Variants in TMC4 observed in about 807,000 individuals in gnomAD.
TMC4 encodes voltage-gated chloride channel TMC4.
TMC4 carries 70 observed loss-of-function variants against 82.0 expected under a neutral mutation model. The observed-to-expected ratio is 0.85, with a 90% CI of 0.70 to 1.04. TMC4 has a LOEUF of 1.04. Among genes scored for constraint, TMC4 ranks in the 50% least tolerant of loss-of-function variants. TMC4 has a pLI of 0.00. For missense variants in TMC4, 879 were observed against 899.0 expected, an observed-to-expected ratio of 0.98 and a Z score of 0.28; for synonymous variants, 446 against 406.0, an observed-to-expected ratio of 1.10 and a Z score of -1.18.
In TMC4 at chr19:54,165,485, C is replaced by A; in HGVS notation, c.879G>T (p.Trp293Cys). ...TSYSHRVFSA[W>C]DFGLCGDVHV... ...GGACGTCCCCGCAGAGACCGAAGTC[C>A]CAGGCCGAGAACACCCGGTGGCTGT... The change falls in exon 6 of 15, where the codon TGG becomes TGT. Residue 293 changes from tryptophan (W) to cysteine (C), a missense_variant. By Grantham distance (215) the Trp-to-Cys change is radical (BLOSUM62 -2). Transcript: ENST00000619895. The A allele has an allele frequency of 6.2e-7, 1 of 1,613,100 alleles. No individual in the cohort carries two copies. Among genetic ancestry groups the A allele is most frequent in the South Asian group, 1.1e-5 (1 of 90,932 alleles).
rs867459684 is a variant in TMC4, at chr19:54,161,217, C to T, written c.1730G>A (p.Arg577Gln). The change falls in exon 12 of 15, where the codon CGG becomes CAG. Residue 577 changes from arginine to glutamine, a missense_variant. Physicochemically the swap from Arg to Gln is conservative, Grantham distance 43. Transcript: ENST00000619895. ...GAAAAAGAAATTCGCCGCGGAGGCC[C>T]GGAAGGTGCGGGCAGCCGGGGAGCA... ...STCSPAARTF[R>Q]ASAANFFFPL... 6 of 1,585,612 alleles carry T rather than the reference C, an allele frequency of 3.8e-6. No homozygotes were observed. The highest frequency in any genetic ancestry group is 2.3e-5 in the South Asian group (2 of 87,360).
Position 54,160,126 on chromosome 19 carries a change from T to G in TMC4, c.*180A>C, listed in dbSNP as rs1282683730. ...AGCGCGCTCAGCAACCTCGGCTGTA[T>G]TTATTGATACAAGGAAGATCACCCG... On this transcript the variant is annotated 3_prime_UTR_variant, in exon 15 of 15. Transcript: ENST00000619895. 6 of 655,482 alleles carry G rather than the reference T, an allele frequency of 9.2e-6. No individual in the cohort carries two copies. Among genetic ancestry groups the G allele is most frequent in the Non-Finnish European group, 1.4e-5 (6 of 419,592 alleles). 40.6% of individuals were successfully genotyped at this position (655,482 alleles called of 1,614,324 possible).
intron 8 of TMC4, 30 bp from the exon 9 acceptor site, chr19:54,163,189 T>C: frequency 1.9e-6 from 3 of 1,613,202 alleles, no homozygotes; most frequent in Non-Finnish European, 2.5e-6. Flanking sequence ...GAATGGGCCC[T>C]GACCCGGTAC....
rs1170894683 is a variant in TMC4 at position 54,162,717 on chromosome 19, C to G, written c.1458G>C (p.Leu486=). Residue 486 remains leucine (L), a synonymous_variant, in exon 10 of 15, where the codon CTG becomes CTC. Coordinates refer to ENST00000619895, the MANE Select transcript of TMC4 (RefSeq NM_144686.4). The stretch of plus-strand genomic sequence containing the variant: ...GCAGCGCGACTGCCAAGACAGTCAG[C>G]AGATCAAAGAGCAGAAGTTTGTACA... The part of the protein sequence containing the change: ...QEMYKLLLFD[L]LTVLAVALLI... The G allele has an allele frequency of 6.2e-7, 1 of 1,614,014 alleles. No individual in the cohort carries two copies. Among genetic ancestry groups the G allele is most frequent in the Admixed American group, 1.7e-5 (1 of 60,008 alleles).
chr19:54,167,139 T>C (rs577397909), intron 5 of TMC4, among the ~76,000 whole-genome samples: 1 of 152,118 alleles, frequency 6.6e-6, no homozygotes, highest in African/African-American at 2.4e-5. Context: ...GGTGCACCCC[T>C]GTGGTCCCAG....
intron 10 of TMC4, 108 bp from the exon 11 acceptor site, chr19:54,162,393 G>A (rs572205842): frequency 6.6e-6 from 5 of 763,048 alleles, no homozygotes; most frequent in Admixed American, 6.6e-5. Flanking sequence ...TGGTGGTGGG[G>A]GGGGGGGGGG....
chr19:54,168,428 C>A lies in TMC4; in HGVS notation c.675+20G>T. The A allele has an allele frequency of 6.5e-7, 1 of 1,530,110 alleles. No homozygotes were observed. 94.8% of individuals were successfully genotyped at this position (1,530,110 alleles called of 1,614,324 possible). A position where few individuals can be genotyped will look rare whatever the true frequency, so the allele number is the denominator to read the frequency against. On this transcript the variant is annotated intron_variant, in intron 4 of 14. Coordinates refer to ENST00000619895, the MANE Select transcript of TMC4 (RefSeq NM_144686.4). ...GGGTCACAGGTGGGCGGGGAATCCCCCAGGGACCCAGGCACCTACCTCACC... is the reference window on the plus strand; with the variant it reads ...GGGTCACAGGTGGGCGGGGAATCCCACAGGGACCCAGGCACCTACCTCACC...
At chr19:54,172,599 C>T in intron 1 of TMC4, 1 of 300,470 alleles carries the variant, frequency 3.3e-6, no homozygotes, top group Non-Finnish European at 6.0e-6. Flanking sequence ...ACCAGGAAAC[C>T]AGGTTCCCAG....
intron 10 of TMC4, 105 bp downstream of exon 10, chr19:54,162,568 G>T: frequency 1.1e-6 from 1 of 928,136 alleles, no homozygotes; most frequent in Non-Finnish European, 1.7e-6. Context: ...AAAGGGAGCA[G>T]GCAGAGGCGG....
Position 54,173,103 on chromosome 19 carries a change from C to A in TMC4, c.15G>T (p.Pro5=). 6.4e-7 allele frequency: 1 copy of A among 1,573,110 alleles called. No homozygotes were observed. The change falls in exon 1 of 15, where the codon CCG becomes CCT. Residue 5 remains proline, a synonymous_variant. Coordinates refer to ENST00000619895, the MANE Select transcript of TMC4 (RefSeq NM_144686.4). ...AGCCCCAGGCTTCTGATTCCAAGGTCGGGTTTTCTTCCATGGCCCCAGGCT... is the reference window on the plus strand; with the variant it reads ...AGCCCCAGGCTTCTGATTCCAAGGTAGGGTTTTCTTCCATGGCCCCAGGCT... MEEN[P]TLESEAWGSS... is the part of the protein sequence containing the mutation.
intron 9 of TMC4, 37 bp from the exon 10 acceptor site, chr19:54,162,807 A>T (rs765942976): frequency 1.6e-4 from 250 of 1,590,758 alleles, no homozygotes; most frequent in Non-Finnish European, 2.1e-4. Flanking sequence ...AGAACTCGGG[A>T]CCCGGGCACC....
In TMC4 at chr19:54,160,526, C is replaced by T; in HGVS notation, c.1993G>A (p.Val665Met). 1 of 1,614,106 alleles carries T rather than the reference C, an allele frequency of 6.2e-7. No homozygotes were observed. The highest frequency in any genetic ancestry group is 8.5e-7 in the Non-Finnish European group (1 of 1,180,012). The change falls in exon 14 of 15, where the codon GTG (valine) becomes ATG (methionine). Residue 665 changes from valine (V) to methionine (M), a missense_variant. Coordinates refer to ENST00000619895, the MANE Select transcript of TMC4 (RefSeq NM_144686.4). ...CGTCCGTAGGAGTTAGCCAGAGCCA[C>T]AGTGTACGCCATCAGGATGCTGAAG... ...LISSILMAYT[V>M]ALANSYGRLI...
intron 2 of TMC4, among the ~76,000 whole-genome samples, chr19:54,170,110 A>G (rs111257478): frequency 6.6e-6 from 1 of 152,042 alleles, no homozygotes; most frequent in South Asian, 2.1e-4. Context: ...AAGGAAAGAA[A>G]GAAAGAAAAG....
rs775221037 is a variant in TMC4 at position 54,160,988 on chromosome 19, G to A, written c.1863C>T (p.Ser621=). 1 of 1,614,194 alleles carries A rather than the reference G, an allele frequency of 6.2e-7. No homozygotes were observed. The highest frequency in any genetic ancestry group is 1.1e-5 in the South Asian group (1 of 91,088). Residue 621 remains serine, a synonymous_variant, in exon 13 of 15, where the codon TCC becomes TCT. Coordinates refer to ENST00000619895, the MANE Select transcript of TMC4 (RefSeq NM_144686.4). ...TAGACTCAGGGATCTGGGCCCAGAT[G>A]GACGACTGCCCCCGGAATGGACCAC... ...KLCGPFRGQS[S]IWAQIPESIS... is the part of the protein sequence containing the mutation.
chr19:54,167,809 T>C (rs1293460068), intron 5 of TMC4, among the ~76,000 whole-genome samples: 1 of 151,576 alleles, frequency 6.6e-6, no homozygotes, highest in Non-Finnish European at 1.5e-5. Context: ...ACGCCTGTAA[T>C]CCCAGCACTG....
intron 5 of TMC4, 119 bp from the exon 6 acceptor site, chr19:54,165,685 C>G: frequency 1.7e-6 from 2 of 1,187,844 alleles, no homozygotes; most frequent in Non-Finnish European, 2.3e-6. Context: ...GGGTACTAGG[C>G]GAGTTCCCAC....
intron 2 of TMC4, among the ~76,000 whole-genome samples, chr19:54,170,728 G>A (rs974093224): frequency 6.6e-6 from 1 of 151,916 alleles, no homozygotes; most frequent in Non-Finnish European, 1.5e-5. Flanking sequence ...AAACTTCCAG[G>A]CTCAAGCAAT....
rs1449156552 is a variant in TMC4 at position 54,169,006 on chromosome 19, ATATATT to A, written c.443-332_443-327del. ...TCTCTCTCTCTCTCTATATATATAT[ATATATT>A]TTTTTTTTTTTCTTTTCTTTTCTTT... On this transcript the variant is annotated intron_variant, in intron 3 of 14. Transcript: ENST00000619895. Among the ~76,000 whole-genome samples the A allele has an allele frequency of 6.2e-4, 4 of 6,480 alleles. 1 individual carries two copies. Among genetic ancestry groups the A allele is most frequent in the African/African-American group, 1.8e-3 (4 of 2,252 alleles). The allele number at this position is 6,480 out of a possible 152,430, so 4.3% of individuals were successfully genotyped here. A position where few individuals can be genotyped will look rare whatever the true frequency, so the allele number is the denominator to read the frequency against.
intron 3 of TMC4, 103 bp downstream of exon 3, chr19:54,169,409 A>C: frequency 6.9e-7 from 1 of 1,450,292 alleles, no homozygotes; most frequent in Non-Finnish European, 9.2e-7. Context: ...TCCAGGCCCA[A>C]GCCCCTCCTC....
Sources: allele counts gnomAD v4.1 joint callset (sites outside exome capture counted in the v4.1 genomes callset), GRCh38; gene constraint gnomAD v4.1.1; transcripts MANE v1.5; gene names NCBI Gene and HGNC (gene_info 2026-07-23, HGNC 2026-07-21).